The following KIF13B variants were observed in gnomAD, a reference collection of about 807,000 sequenced individuals.
The protein encoded by KIF13B is kinesin-like protein KIF13B.
A neutral mutation model predicts 222.0 loss-of-function variants in KIF13B; 127 were observed. The ratio of observed to expected loss-of-function variants is 0.57; its 90% CI spans 0.50 to 0.66. The LOEUF (loss-of-function observed/expected upper bound fraction) is 0.66. Among genes scored for constraint, KIF13B ranks in the 30% least tolerant of loss-of-function variants. KIF13B has a pLI of 0.00. For missense variants in KIF13B, 2,173 were observed against 2,379.0 expected (o/e 0.91, Z 1.80); for synonymous variants, 976 against 919.0 (o/e 1.06, Z -1.12).
At chr8:29,212,032 A>G (rs988157724) in intron 2 of KIF13B, among the ~76,000 whole-genome samples, 1 of 152,152 alleles carries the variant, frequency 6.6e-6, no homozygotes, top group Non-Finnish European at 1.5e-5. Context: ...TGTTATCAGT[A>G]CTTTATTCCT....
In KIF13B at chr8:29,071,634, A is replaced by G; in HGVS notation, c.5204T>C (p.Leu1735Pro). ...CCGGTACCCACCTGAGGGCAGGTCG[A>G]GCTCCACGCCGACCCACGTGCCCTC... ...FQEGTWVGVE[L>P]DLPSGKNDGS... Residue 1735 changes from leucine (L) to proline (P), a missense_variant, in exon 39 of 40, where the codon CTC (leucine) becomes CCC (proline). Leu to Pro is a moderately conservative substitution (Grantham distance 98, BLOSUM62 -3). This residue lies in a region of KIF13B where 693 missense variants were observed against 656.2 expected (regional missense o/e 1.06). Transcript: ENST00000524189. This position sits in a 1 kb window ranked among gnomAD's most constrained non-coding sequence, Gnocchi z 4.9. 1 of 1,553,232 alleles carries G rather than the reference A, an allele frequency of 6.4e-7. No individual in the cohort carries two copies. Among genetic ancestry groups the G allele is most frequent in the Non-Finnish European group, 8.7e-7 (1 of 1,149,084 alleles).
chr8:29,115,610 G>A (rs532324746), intron 31 of KIF13B, among the ~76,000 whole-genome samples: 1 of 152,130 alleles, frequency 6.6e-6, no homozygotes, highest in African/African-American at 2.4e-5. Flanking sequence ...ACAGGCATAA[G>A]CCACCACACC....
intron 10 of KIF13B, among the ~76,000 whole-genome samples, chr8:29,174,487 C>T (rs1430152464): frequency 6.6e-6 from 1 of 151,856 alleles, no homozygotes; most frequent in Non-Finnish European, 1.5e-5. Context: ...TGTAAGCTGA[C>T]GTCAGGATTC....
chr8:29,119,045 CT>C (rs1182448702), intron 29 of KIF13B, 53 bp from the exon 30 acceptor site: 9 of 1,551,602 alleles, frequency 5.8e-6, no homozygotes, highest in Non-Finnish European at 7.0e-6. Context: ...AGGATAACCC[CT>C]ACCAGCTAAA....
At chr8:29,110,123 A>T (rs1308154402) in intron 32 of KIF13B, 53 bp from the exon 33 acceptor site, 1 of 1,388,262 alleles carries the variant, frequency 7.2e-7, no homozygotes, top group African/African-American at 1.4e-5. Flanking sequence ...ACACACACAC[A>T]CGTACACGCG....
At chr8:29,213,679 T>C (rs1030624663) in intron 2 of KIF13B, among the ~76,000 whole-genome samples, 1 of 152,136 alleles carries the variant, frequency 6.6e-6, no homozygotes, top group African/African-American at 2.4e-5. Flanking sequence ...CCAGGCACAG[T>C]GGCTCACGCC....
intron 30 of KIF13B, among the ~76,000 whole-genome samples, chr8:29,118,327 TA>T (rs1208760858): frequency 0.016 from 1,884 of 120,558 alleles, 12 homozygotes; most frequent in Non-Finnish European, 0.018. Flanking sequence ...CCATCTCTAC[TA>T]AAAAAAAAAA....
intron 1 of KIF13B, 107 bp downstream of exon 1, chr8:29,262,873 G>A (rs916825281): frequency 1.2e-5 from 10 of 865,382 alleles, no homozygotes; most frequent in Middle Eastern, 2.7e-4. Context: ...GCGCCCCGCC[G>A]CTGACTATAG....
intron 10 of KIF13B, among the ~76,000 whole-genome samples, chr8:29,173,519 G>A (rs1297038100): frequency 6.6e-6 from 1 of 151,292 alleles, no homozygotes; most frequent in East Asian, 1.9e-4. Flanking sequence ...TACTAAAGGA[G>A]GCTGATGTGG....
intron 29 of KIF13B, among the ~76,000 whole-genome samples, chr8:29,122,282 A>G (rs899781552): frequency 6.6e-6 from 1 of 152,200 alleles, no homozygotes; most frequent in African/African-American, 2.4e-5. Context: ...TAAATAAATT[A>G]GAAAATATTT....
chr8:29,105,952 T>C (rs1469114031), intron 35 of KIF13B, among the ~76,000 whole-genome samples: 1 of 152,122 alleles, frequency 6.6e-6, no homozygotes, highest in Non-Finnish European at 1.5e-5. Context: ...GCCAGAGTTT[T>C]CTTAACAGAA....
intron 21 of KIF13B, among the ~76,000 whole-genome samples, chr8:29,137,068 G>A (rs532049376): frequency 6.6e-6 from 1 of 152,192 alleles, no homozygotes; most frequent in East Asian, 1.9e-4. Context: ...CCAAAGTGCT[G>A]GGATTACAGA....
intron 14 of KIF13B, 104 bp downstream of exon 14, chr8:29,155,622 C>T: frequency 1.0e-6 from 1 of 973,454 alleles, no homozygotes; most frequent in Non-Finnish European, 1.6e-6. Flanking sequence ...AACTGGATTA[C>T]TTAATGTGGT....
chr8:29,077,072 C>G (rs536775288), intron 37 of KIF13B, among the ~76,000 whole-genome samples: 34 of 152,320 alleles, frequency 2.2e-4, no homozygotes, highest in African/African-American at 7.9e-4. Context: ...CTGGGGTGGT[C>G]TGAGGCCCAG....
At chr8:29,129,843 T>C (rs115695776) in intron 24 of KIF13B, among the ~76,000 whole-genome samples, 1,558 of 152,310 alleles carry the variant, frequency 0.01, 15 homozygotes, top group African/African-American at 0.022. Context: ...CCCTGTGCTT[T>C]AAACATGCAT....
intron 16 of KIF13B, 147 bp from the exon 17 acceptor site, chr8:29,147,749 C>T: frequency 1.6e-6 from 1 of 636,282 alleles, no homozygotes. Context: ...GCTTTCCTGA[C>T]TTTCAATCAC....
intron 3 of KIF13B, among the ~76,000 whole-genome samples, chr8:29,192,019 GTTT>G (rs1813213726): frequency 6.6e-6 from 1 of 152,112 alleles, no homozygotes; most frequent in African/African-American, 2.4e-5. Flanking sequence ...AGCAGGGAGT[GTTT>G]ATTTTATGGT....
intron 23 of KIF13B, among the ~76,000 whole-genome samples, chr8:29,132,074 T>C (rs576491266): frequency 6.0e-4 from 91 of 152,178 alleles, no homozygotes; most frequent in Non-Finnish European, 1.0e-3. Context: ...TGGTGAAACC[T>C]TGTCTTTACC....
rs770317379 is a variant in KIF13B, at chr8:29,072,309, G to C, written c.4529C>G (p.Pro1510Arg). ...CACCAGCACGTCAGGGCCCATCTCC[G>C]GCTGAGCCTGCAGCAGGACGGGGAA... ...IRVTRMEEAQ[P>R]EMGPDVLVQT... The change falls in exon 39 of 40, where the codon CCG becomes CGG. Residue 1510 changes from proline to arginine, a missense_variant. Transcript: ENST00000524189. 2.8e-6 allele frequency: 4 copies of C among 1,414,160 alleles called. No individual in the cohort carries two copies. The highest frequency in any genetic ancestry group is 2.8e-5 in the East Asian group (1 of 36,016). The allele number at this position is 1,414,160 out of a possible 1,614,324, so 87.6% of individuals were successfully genotyped here. A position where few individuals can be genotyped will look rare whatever the true frequency, so the allele number is the denominator to read the frequency against.
Sources: allele counts gnomAD v4.1 joint callset (sites outside exome capture counted in the v4.1 genomes callset), GRCh38; gene constraint gnomAD v4.1.1; regional missense constraint gnomAD v4.1.1; non-coding constraint Gnocchi (gnomAD v3.1); transcripts MANE v1.5; gene names NCBI Gene and HGNC (gene_info 2026-07-23, HGNC 2026-07-21).